The following CAMK2B variants were observed in gnomAD, a reference collection of about 807,000 sequenced individuals.
The protein encoded by CAMK2B is calcium/calmodulin dependent protein kinase II beta.
A neutral mutation model predicts 93.7 loss-of-function variants in CAMK2B; 27 were observed. That is an observed-to-expected ratio of 0.29 (90% CI 0.21 to 0.40). The LOEUF (loss-of-function observed/expected upper bound fraction) is 0.40. CAMK2B is among the 10% of genes least tolerant of loss of function. CAMK2B has a pLI of 1.00. For synonymous variants in CAMK2B, 374 were observed against 358.8 expected (o/e 1.04, Z -0.48); for missense variants, 568 against 895.8 (o/e 0.63, Z 4.67).
chr7:44,306,498 C>T (rs1014014042), intron 1 of CAMK2B, among the ~76,000 whole-genome samples: 12 of 152,206 alleles, frequency 7.9e-5, no homozygotes, highest in African/African-American at 1.9e-4. Context: ...GAGATGAAGA[C>T]AGGAGGGAGG....
intron 1 of CAMK2B, among the ~76,000 whole-genome samples, chr7:44,290,435 T>A (rs1192651841): frequency 6.6e-6 from 1 of 152,240 alleles, no homozygotes; most frequent in Non-Finnish European, 1.5e-5. Flanking sequence ...GACAGCTTTA[T>A]TTCCTGCTGT....
At chr7:44,269,922 C>T (rs374140821) in intron 2 of CAMK2B, among the ~76,000 whole-genome samples, 2 of 152,132 alleles carry the variant, frequency 1.3e-5, no homozygotes, top group South Asian at 2.1e-4. Context: ...CTGCCCACCA[C>T]GTGGCCTGGG....
At chr7:44,279,501 G>A (rs1036774847) in intron 2 of CAMK2B, among the ~76,000 whole-genome samples, 1 of 152,230 alleles carries the variant, frequency 6.6e-6, no homozygotes, top group African/African-American at 2.4e-5. Flanking sequence ...GAAGGTCACA[G>A]CAGGGAGCTG....
chr7:44,272,318 G>A (rs76487601), intron 2 of CAMK2B, among the ~76,000 whole-genome samples: 4,050 of 152,200 alleles, frequency 0.027, 165 homozygotes, highest in African/African-American at 0.092. Flanking sequence ...AGGTGGTGTC[G>A]AAGGGGGTAG....
intron 1 of CAMK2B, among the ~76,000 whole-genome samples, chr7:44,310,295 G>A (rs1292384623): frequency 6.6e-6 from 1 of 152,216 alleles, no homozygotes; most frequent in Admixed American, 6.5e-5. Flanking sequence ...TGGGAGAGAT[G>A]AGCTTTGGGG....
At chr7:44,309,768 G>A (rs1377632381) in intron 1 of CAMK2B, among the ~76,000 whole-genome samples, 1 of 152,236 alleles carries the variant, frequency 6.6e-6, no homozygotes, top group African/African-American at 2.4e-5. Context: ...AGAGACACCA[G>A]CCCATCGGAA....
At chr7:44,228,528 G>A (rs62459096) in intron 19 of CAMK2B, among the ~76,000 whole-genome samples, 1 of 152,212 alleles carries the variant, frequency 6.6e-6, no homozygotes, top group Admixed American at 6.5e-5. Context: ...CAGACATTTT[G>A]GAGAGGGGCC....
At chr7:44,279,533 C>T (rs1417607024) in intron 2 of CAMK2B, among the ~76,000 whole-genome samples, 1 of 152,232 alleles carries the variant, frequency 6.6e-6, no homozygotes, top group Non-Finnish European at 1.5e-5. Flanking sequence ...TGCCAGGCAG[C>T]CCCCTGGCTG....
intron 16 of CAMK2B, 22 bp from the exon 17 acceptor site, chr7:44,231,076 C>A: frequency 2.1e-6 from 3 of 1,436,530 alleles, no homozygotes; most frequent in Non-Finnish European, 2.8e-6. Flanking sequence ...CGGGAGGCAG[C>A]GGGTCAGGAT....
At position 44,247,856 on chromosome 7, in the gene CAMK2B, C is replaced by T. The variant is rs1231866622; in HGVS notation, c.342-664G>A. 1.1e-4 allele frequency among the ~76,000 whole-genome samples: 17 copies of T among 152,222 alleles called. No individual in the cohort carries two copies. The East Asian group carries it at 3.1e-3, about 28-fold the overall frequency. On this transcript the variant is annotated intron_variant, in intron 5 of 23. Transcript: ENST00000395749. ...CAGCCTGGCCAACATGGCGAAACCC[C>T]GTCTCTACTAAAAATACAAAAATTA...
At chr7:44,280,980 C>G (rs899937747) in intron 2 of CAMK2B, among the ~76,000 whole-genome samples, 19 of 152,334 alleles carry the variant, frequency 1.2e-4, no homozygotes, top group Non-Finnish European at 2.6e-4. Flanking sequence ...GGTTCCTGCT[C>G]TTCCTGGCTT....
intron 2 of CAMK2B, chr7:44,268,038 T>G (rs903989708): frequency 2.6e-5 from 4 of 152,298 alleles, no homozygotes; most frequent in African/African-American, 9.6e-5. Flanking sequence ...GGCCAAGTGC[T>G]GAGGCACAGG....
intron 2 of CAMK2B, among the ~76,000 whole-genome samples, chr7:44,276,714 T>G (rs1207188481): frequency 6.6e-6 from 1 of 152,098 alleles, no homozygotes; most frequent in Non-Finnish European, 1.5e-5. Flanking sequence ...GGGGTGAGCC[T>G]CGGGCCTGGG....
At chr7:44,249,471 G>A (rs2096759791) in intron 5 of CAMK2B, among the ~76,000 whole-genome samples, 1 of 152,220 alleles carries the variant, frequency 6.6e-6, no homozygotes. Context: ...GACGGTAGCA[G>A]TGCTGACCAG....
intron 2 of CAMK2B, chr7:44,268,878 C>T: frequency 6.6e-6 from 1 of 152,412 alleles, no homozygotes; most frequent in Non-Finnish European, 1.5e-5. Flanking sequence ...CTGCCACATG[C>T]CAGGCACCGT....
At chr7:44,242,438 A>C (rs966322919) in intron 9 of CAMK2B, 98 bp from the exon 10 acceptor site, 10 of 1,550,052 alleles carry the variant, frequency 6.5e-6, no homozygotes, top group Middle Eastern at 3.5e-4. Flanking sequence ...CGAATCTGGG[A>C]GAGCAGGACC....
chr7:44,225,974 GC>G lies in CAMK2B; in HGVS notation c.1597+541del. The G allele has an allele frequency of 2.5e-6, 3 of 1,216,150 alleles. No individual in the cohort carries two copies. Among genetic ancestry groups the G allele is most frequent in the Non-Finnish European group, 3.2e-6 (3 of 938,398 alleles). The allele number at this position is 1,216,150 out of a possible 1,614,324, so 75.3% of individuals were successfully genotyped here. On this transcript the variant is annotated intron_variant, in intron 20 of 23. Transcript: ENST00000395749. This position sits in a 1 kb window ranked among gnomAD's most constrained non-coding sequence, Gnocchi z 5.0. ...CCTCCCTGGCCGGGGAGGCTGCCCA[GC>G]CTGTGCTTCCTGTCCCGCCCGCTCT...
At chr7:44,318,932 G>A (rs1378169261) in intron 1 of CAMK2B, among the ~76,000 whole-genome samples, 1 of 152,184 alleles carries the variant, frequency 6.6e-6, no homozygotes, top group African/African-American at 2.4e-5. Flanking sequence ...GGAGACAAAA[G>A]CCACCCAAAA....
intron 21 of CAMK2B, 54 bp downstream of exon 21, chr7:44,220,772 C>T (rs748515632): frequency 6.4e-7 from 1 of 1,563,606 alleles, no homozygotes; most frequent in Admixed American, 1.9e-5. Context: ...CAGGCCCCCC[C>T]AAGGGTCCCA....
Sources: allele counts gnomAD v4.1 joint callset (sites outside exome capture counted in the v4.1 genomes callset), GRCh38; gene constraint gnomAD v4.1.1; non-coding constraint Gnocchi (gnomAD v3.1); transcripts MANE v1.5; gene names NCBI Gene and HGNC (gene_info 2026-07-23, HGNC 2026-07-21).